Variants in COL5A1 observed in about 807,000 individuals in gnomAD.
COL5A1 encodes the protein collagen type V alpha 1 chain, also known as collagen alpha-1(V) chain.
A neutral mutation model predicts 263.7 loss-of-function variants in COL5A1; 16 were observed. The observed-to-expected ratio is 0.06, with a 90% CI of 0.04 to 0.09. COL5A1 has a LOEUF of 0.09. Ranked by LOEUF, COL5A1 falls within the 10% of genes least tolerant of loss-of-function variation. The probability of loss-of-function intolerance (pLI) is 1.00; values close to 1 mark genes in which losing one functional copy is unlikely to be tolerated. For synonymous variants in COL5A1, 1,012 were observed against 1,004.5 expected (o/e 1.01, Z -0.14); for missense variants, 2,036 against 2,540.5 (o/e 0.80, Z 4.27).
intron 4 of COL5A1, among the ~76,000 whole-genome samples, chr9:134,719,087 C>T (rs1834364357): frequency 6.6e-6 from 1 of 152,144 alleles, no homozygotes; most frequent in Admixed American, 6.5e-5. Flanking sequence ...GGACAAGCAG[C>T]CTCAAAGAAC....
intron 4 of COL5A1, among the ~76,000 whole-genome samples, chr9:134,708,199 G>A (rs752297017): frequency 6.6e-6 from 1 of 152,182 alleles, no homozygotes; most frequent in Non-Finnish European, 1.5e-5. Context: ...TGTGATGTGT[G>A]CACCTGGGCA....
intron 64 of COL5A1, among the ~76,000 whole-genome samples, chr9:134,834,148 C>T (rs1355958184): frequency 6.6e-6 from 1 of 152,142 alleles, no homozygotes; most frequent in Non-Finnish European, 1.5e-5. Flanking sequence ...AAGACCTCCT[C>T]CTCTCACCCC....
chr9:134,692,317 C>G (rs960614151), intron 2 of COL5A1, among the ~76,000 whole-genome samples: 1 of 152,134 alleles, frequency 6.6e-6, no homozygotes, highest in Non-Finnish European at 1.5e-5. Context: ...TGGAACTCAT[C>G]GGCTCAGACA....
In COL5A1 at chr9:134,757,423, C is replaced by T. The variant is rs1004239743; in HGVS notation, c.1881+605C>T. 3.3e-5 allele frequency among the ~76,000 whole-genome samples: 5 copies of T among 152,180 alleles called. No homozygotes were observed. Among genetic ancestry groups the T allele is most frequent in the Non-Finnish European group, 7.3e-5 (5 of 68,040 alleles). On this transcript the variant is annotated intron_variant, in intron 17 of 65. Coordinates refer to ENST00000371817, the MANE Select transcript of COL5A1 (RefSeq NM_000093.5). This position sits in a 1 kb window ranked among gnomAD's most constrained non-coding sequence, Gnocchi z 6.2. ...CAGGCCACGGGGGGCAGGGGAGATA[C>T]TGACCTTCCGTGAAGAGTGCACCTG... is the stretch of plus-strand genomic sequence containing the variant.
chr9:134,752,508 C>T, intron 13 of COL5A1, 81 bp from the exon 14 acceptor site: 1 of 1,072,558 alleles, frequency 9.3e-7, no homozygotes, highest in South Asian at 1.3e-5. Context: ...TCCCTCCTGC[C>T]ACATCTCACG....
chr9:134,762,242 G>A (rs919323606), intron 19 of COL5A1, among the ~76,000 whole-genome samples: 10 of 152,248 alleles, frequency 6.6e-5, no homozygotes, highest in African/African-American at 2.4e-4. Context: ...CCAGCTCTCA[G>A]CTCTCACTGC....
At chr9:134,746,500 C>G (rs1835518386) in intron 11 of COL5A1, among the ~76,000 whole-genome samples, 1 of 152,258 alleles carries the variant, frequency 6.6e-6, no homozygotes, top group South Asian at 2.1e-4. Flanking sequence ...GTTTCACGTG[C>G]TGAATCTGCA....
intron 11 of COL5A1, among the ~76,000 whole-genome samples, chr9:134,749,678 C>T (rs1349622911): frequency 6.6e-6 from 1 of 152,216 alleles, no homozygotes; most frequent in Non-Finnish European, 1.5e-5. Flanking sequence ...CACCCATCCG[C>T]TACACTGGAG....
At chr9:134,785,833 C>T (rs1837437536) in intron 30 of COL5A1, among the ~76,000 whole-genome samples, 162 bp from the exon 31 acceptor site, 1 of 152,182 alleles carries the variant, frequency 6.6e-6, no homozygotes, top group Non-Finnish European at 1.5e-5. Flanking sequence ...TCACCCTCCA[C>T]CTAGGGCAGG....
intron 4 of COL5A1, chr9:134,708,753 C>T: frequency 2.1e-6 from 1 of 479,378 alleles, no homozygotes; most frequent in Admixed American, 2.2e-5. Context: ...ACTGCTGCAA[C>T]CAACTGTCAC....
intron 8 of COL5A1, 99 bp downstream of exon 8, chr9:134,731,762 G>T: frequency 7.5e-7 from 1 of 1,329,608 alleles, no homozygotes. Flanking sequence ...GGGCCTCTAC[G>T]GGCAGCTCAA....
At chr9:134,744,671 A>G (rs1835427952) in intron 11 of COL5A1, among the ~76,000 whole-genome samples, 1 of 151,422 alleles carries the variant, frequency 6.6e-6, no homozygotes, top group Non-Finnish European at 1.5e-5. Context: ...ACACACATGC[A>G]CACACATTCA....
At chr9:134,670,784 T>G (rs1287754311) in intron 1 of COL5A1, among the ~76,000 whole-genome samples, 1 of 152,212 alleles carries the variant, frequency 6.6e-6, no homozygotes, top group African/African-American at 2.4e-5. Context: ...TACTTTCCCC[T>G]CCTTCCCTCC....
rs1839108527 is a variant in COL5A1, at chr9:134,823,436, T to C, written c.4665T>C (p.Gly1555=). 6.2e-7 allele frequency: 1 copy of C among 1,613,956 alleles called. No individual in the cohort carries two copies. Among genetic ancestry groups the C allele is most frequent in the Non-Finnish European group, 8.5e-7 (1 of 1,179,996 alleles). Residue 1555 remains glycine (G), a synonymous_variant, in exon 61 of 66, where the codon GGT becomes GGC. Coordinates refer to ENST00000371817, the MANE Select transcript of COL5A1 (RefSeq NM_000093.5). ...KGSSGPTGPK[G]EAGHPGPPGP... ...CCCAGGGTCCAACTGGCCCGAAGGGTGAGGCAGGCCACCCAGGACCCCCAG... is the reference window on the plus strand; with the variant it reads ...CCCAGGGTCCAACTGGCCCGAAGGGCGAGGCAGGCCACCCAGGACCCCCAG...
rs187350158 is a variant in COL5A1 at position 134,695,902 on chromosome 9, G to A, written c.278-4007G>A. 3.1e-3 allele frequency among the ~76,000 whole-genome samples: 467 copies of A among 152,056 alleles called. 2 individuals carry two copies. Among genetic ancestry groups the A allele is most frequent in the African/African-American group, 0.011 (447 of 41,572 alleles). On this transcript the variant is annotated intron_variant, in intron 2 of 65. Coordinates refer to ENST00000371817, the MANE Select transcript of COL5A1 (RefSeq NM_000093.5). ...CCTCACCTGTCCCACCCCAATGTGGGACTGAGAGCCCTTCTGGTCGGGACT... is the reference window on the plus strand; with the variant it reads ...CCTCACCTGTCCCACCCCAATGTGGAACTGAGAGCCCTTCTGGTCGGGACT...
intron 31 of COL5A1, among the ~76,000 whole-genome samples, chr9:134,788,688 G>A (rs952166197): frequency 5.9e-5 from 9 of 151,506 alleles, no homozygotes; most frequent in African/African-American, 2.2e-4. Context: ...TAGACAGATA[G>A]GTGGGCCAGT....
intron 46 of COL5A1, among the ~76,000 whole-genome samples, chr9:134,812,097 T>C (rs1838545526): frequency 6.6e-6 from 1 of 152,218 alleles, no homozygotes; most frequent in Non-Finnish European, 1.5e-5. Context: ...CACATGACTT[T>C]CTATTTATTT....
chr9:134,700,810 C>G lies in COL5A1; in HGVS notation c.492-361C>G, dbSNP rs113897581. Reference sequence around the variant, plus strand: ...AACGGCCGCCGCCCTGCCATTCTCCCGATGGCTGTGACCGCACCGCAGGGA... The same window carrying G: ...AACGGCCGCCGCCCTGCCATTCTCCGGATGGCTGTGACCGCACCGCAGGGA... On this transcript the variant is annotated intron_variant, in intron 3 of 65. Transcript: ENST00000371817. This position sits in a 1 kb window ranked among gnomAD's most constrained non-coding sequence, Gnocchi z 4.0. 3.9e-5 allele frequency among the ~76,000 whole-genome samples: 6 copies of G among 152,186 alleles called. No homozygotes were observed. Among genetic ancestry groups the G allele is most frequent in the Non-Finnish European group, 5.9e-5 (4 of 68,034 alleles).
chr9:134,753,994 A>G (rs1835886143), intron 15 of COL5A1, 91 bp downstream of exon 15: 2 of 1,183,132 alleles, frequency 1.7e-6, no homozygotes, highest in African/African-American at 1.5e-5. Context: ...CAACTGCTGC[A>G]TGTTTTCAAG....
Sources: gnomAD v4.1 joint callset for allele counts (sites outside exome capture counted in the v4.1 genomes callset) on GRCh38, gnomAD v4.1.1 for gene constraint, Gnocchi (gnomAD v3.1) non-coding constraint, MANE v1.5 for transcripts, NCBI Gene and HGNC (gene_info 2026-07-23, HGNC 2026-07-21) for gene names.